CTIF: variants seen among roughly 807,000 people sequenced by gnomAD.
CTIF encodes CBP80/20-dependent translation initiation factor.
In CTIF, 21 loss-of-function variants were observed where a neutral mutation model predicts 66.0. That is an observed-to-expected ratio of 0.32 (90% CI 0.23 to 0.46). CTIF has a LOEUF of 0.46. Among genes scored for constraint, CTIF ranks in the 20% least tolerant of loss-of-function variants. CTIF has a pLI of 1.00. For missense variants in CTIF, 739 were observed against 812.7 expected (o/e 0.91, Z 1.10); for synonymous variants, 345 against 326.4 (o/e 1.06, Z -0.62).
chr18:48,826,586 G>A (rs1468343786), intron 10 of CTIF: 1 of 152,280 alleles, frequency 6.6e-6, no homozygotes, highest in Non-Finnish European at 1.5e-5. Context: ...CTCCAGATAT[G>A]CTCTTTGCCA....
intron 2 of CTIF, among the ~76,000 whole-genome samples, chr18:48,627,916 C>T (rs533779822): frequency 3.3e-5 from 5 of 152,086 alleles, no homozygotes; most frequent in Admixed American, 6.5e-5. Context: ...CACAGTCAAA[C>T]GGGATCCCTC....
intron 10 of CTIF, among the ~76,000 whole-genome samples, chr18:48,851,497 C>T (rs2069199596): frequency 6.6e-6 from 1 of 152,178 alleles, no homozygotes; most frequent in African/African-American, 2.4e-5. Context: ...GATGCAGCCA[C>T]ATTGAGAGCC....
At chr18:48,579,818 C>A (rs553680756) in intron 1 of CTIF, among the ~76,000 whole-genome samples, 1 of 152,224 alleles carries the variant, frequency 6.6e-6, no homozygotes, top group African/African-American at 2.4e-5. Context: ...GATCAAAAAA[C>A]CCCACATTAG....
intron 9 of CTIF, among the ~76,000 whole-genome samples, chr18:48,768,452 G>A (rs1485167171): frequency 3.9e-5 from 6 of 152,178 alleles, no homozygotes; most frequent in African/African-American, 7.2e-5. Flanking sequence ...TGTGTGAATC[G>A]GAGGTAGGTT....
intron 7 of CTIF, among the ~76,000 whole-genome samples, chr18:48,753,585 G>C (rs1022658871): frequency 1.3e-5 from 2 of 150,232 alleles, no homozygotes; most frequent in Admixed American, 6.6e-5. Flanking sequence ...AGCATAAACC[G>C]ACAATTTCCA....
At position 48,741,168 on chromosome 18, in the gene CTIF, G is replaced by T. The variant is rs527634681; in HGVS notation, c.585-16751G>T. ...TTATTATTGTTAGAGAAGAGAACTG[G>T]GGCCCAGAGAGGTGTTTCCTCTAAG... On this transcript the variant is annotated intron_variant, in intron 7 of 11. Coordinates refer to ENST00000256413, the MANE Select transcript of CTIF (RefSeq NM_014772.3). 2.0e-5 allele frequency among the ~76,000 whole-genome samples: 3 copies of T among 152,158 alleles called. No homozygotes were observed. The East Asian group carries it at 5.8e-4, about 29-fold the overall frequency.
chr18:48,652,491 A>T (rs2091174688), intron 3 of CTIF, among the ~76,000 whole-genome samples: 1 of 152,234 alleles, frequency 6.6e-6, no homozygotes, highest in African/African-American at 2.4e-5. Flanking sequence ...GGCAATAATG[A>T]ATAGCCTACC....
chr18:48,738,718 A>G (rs1468131564), intron 7 of CTIF, among the ~76,000 whole-genome samples: 1 of 151,962 alleles, frequency 6.6e-6, no homozygotes, highest in African/African-American at 2.4e-5. Context: ...CCAGCTTCCC[A>G]CTTCCGTAGG....
At chr18:48,680,238 C>A (rs2091717281) in intron 6 of CTIF, among the ~76,000 whole-genome samples, 1 of 152,270 alleles carries the variant, frequency 6.6e-6, no homozygotes, top group Admixed American at 6.5e-5. Context: ...GTGGAGAGGT[C>A]ATCTGTCCAT....
At position 48,544,577 on chromosome 18, in the gene CTIF, A is replaced by G. The variant is rs1046403940; in HGVS notation, c.-29+5265A>G. On this transcript the variant is annotated intron_variant, in intron 1 of 11. Transcript: ENST00000256413. ...CTCACTTACCCAAGGGGTAGGGGAG[A>G]TAAAGTATGGGAGGCAGTTACCATA... is the stretch of plus-strand genomic sequence containing the variant. 2.6e-5 allele frequency among the ~76,000 whole-genome samples: 4 copies of G among 152,316 alleles called. No homozygotes were observed. The South Asian group carries it at 6.2e-4, about 24-fold the overall frequency.
intron 1 of CTIF, among the ~76,000 whole-genome samples, chr18:48,609,114 G>C (rs1024712344): frequency 1.3e-5 from 2 of 152,218 alleles, no homozygotes; most frequent in African/African-American, 4.8e-5. Flanking sequence ...AAGAGAGAAT[G>C]GATCTCTGTG....
At chr18:48,815,803 G>A (rs1329328726) in intron 9 of CTIF, among the ~76,000 whole-genome samples, 2 of 152,298 alleles carry the variant, frequency 1.3e-5, no homozygotes, top group East Asian at 1.9e-4. Context: ...AGTGGTGTGG[G>A]GGACTGGGCT....
intron 10 of CTIF, among the ~76,000 whole-genome samples, chr18:48,827,330 A>T (rs918394726): frequency 6.6e-6 from 1 of 152,184 alleles, no homozygotes; most frequent in African/African-American, 2.4e-5. Context: ...CTAAATCTGG[A>T]GCAGTCTCTA....
In CTIF at chr18:48,859,761, C is replaced by G. The variant is rs181726436; in HGVS notation, c.*202C>G. ...GTGCCCCCGCACAAGCCCCCCAGCCCGAGCATGCAAGCTCACACCAATAAG... is the reference window on the plus strand; with the variant it reads ...GTGCCCCCGCACAAGCCCCCCAGCCGGAGCATGCAAGCTCACACCAATAAG... On this transcript the variant is annotated 3_prime_UTR_variant, in exon 12 of 12. Transcript: ENST00000256413. 5.3e-5 allele frequency: 37 copies of G among 698,110 alleles called. No individual in the cohort carries two copies. In the East Asian group the frequency reaches 5.9e-4, roughly 11 times the overall value. The allele number at this position is 698,110 out of a possible 1,614,324, so 43.2% of individuals were successfully genotyped here. A position where few individuals can be genotyped will look rare whatever the true frequency, so the allele number is the denominator to read the frequency against.
At chr18:48,812,493 A>C (rs2068278428) in intron 9 of CTIF, among the ~76,000 whole-genome samples, 1 of 152,182 alleles carries the variant, frequency 6.6e-6, no homozygotes, top group Non-Finnish European at 1.5e-5. Context: ...TTGTAAGAAG[A>C]CTGTCTTTTG....
intron 10 of CTIF, among the ~76,000 whole-genome samples, chr18:48,845,350 A>G (rs540581259): frequency 3.9e-5 from 6 of 152,310 alleles, no homozygotes; most frequent in African/African-American, 1.4e-4. Context: ...ATGCTCTTCT[A>G]ATCACCAAAT....
intron 9 of CTIF, among the ~76,000 whole-genome samples, chr18:48,772,110 G>A (rs530869636): frequency 6.6e-6 from 1 of 152,284 alleles, no homozygotes; most frequent in South Asian, 2.1e-4. Context: ...ATAGTGTTGC[G>A]TTATCTGAGG....
At chr18:48,703,702 G>T (rs183941671) in intron 6 of CTIF, among the ~76,000 whole-genome samples, 24 of 152,290 alleles carry the variant, frequency 1.6e-4, no homozygotes, top group Admixed American at 3.3e-4. Flanking sequence ...CCATGGAATT[G>T]AGCTCTGCGG....
chr18:48,785,294 T>G (rs1230178251), intron 9 of CTIF, among the ~76,000 whole-genome samples: 2 of 152,232 alleles, frequency 1.3e-5, no homozygotes, highest in Non-Finnish European at 2.9e-5. Context: ...CAGCTGTGGT[T>G]GCTCTAAGTG....
Sources: allele counts gnomAD v4.1 joint callset (sites outside exome capture counted in the v4.1 genomes callset), GRCh38; gene constraint gnomAD v4.1.1; transcripts MANE v1.5; gene names NCBI Gene and HGNC (gene_info 2026-07-23, HGNC 2026-07-21).